USP34: variants seen among roughly 807,000 people sequenced by gnomAD.
USP34 encodes the protein ubiquitin specific peptidase 34, also known as ubiquitin carboxyl-terminal hydrolase 34.
In USP34, 70 loss-of-function variants were observed where a neutral mutation model predicts 460.3. The observed-to-expected ratio is 0.15, with a 90% CI of 0.13 to 0.19. USP34 has a LOEUF of 0.19. Among genes scored for constraint, USP34 ranks in the 10% least tolerant of loss-of-function variants. The pLI is 1.00. For missense variants in USP34, 3,985 were observed against 4,236.2 expected, an observed-to-expected ratio of 0.94 and a Z score of 1.65; for synonymous variants, 1,647 against 1,405.3, an observed-to-expected ratio of 1.17 and a Z score of -3.85.
chr2:61,224,357 TA>T (rs1310878203), intron 62 of USP34, among the ~76,000 whole-genome samples: 2 of 152,222 alleles, frequency 1.3e-5, no homozygotes, highest in East Asian at 3.9e-4. Context: ...GCATTTTCTA[TA>T]AACTGGTAGT....
chr2:61,455,387 A>T (rs538208401), intron 1 of USP34, among the ~76,000 whole-genome samples: 1 of 152,196 alleles, frequency 6.6e-6, no homozygotes, highest in East Asian at 1.9e-4. Context: ...CATGTTGCCC[A>T]GGCTGGTCTC....
intron 33 of USP34, among the ~76,000 whole-genome samples, chr2:61,291,429 C>T (rs1225449812): frequency 6.6e-6 from 1 of 152,168 alleles, no homozygotes; most frequent in African/African-American, 2.4e-5. Context: ...AGAAACTGCA[C>T]TCTATACCCA....
intron 37 of USP34, 127 bp from the exon 38 acceptor site, chr2:61,281,369 T>C (rs1229977373): frequency 2.5e-6 from 3 of 1,214,392 alleles, no homozygotes; most frequent in African/African-American, 1.5e-5. Context: ...CCCAGCACTT[T>C]TGGAGGCCCA....
At chr2:61,394,809 A>C in intron 5 of USP34, 44 bp downstream of exon 5, 1 of 1,421,028 alleles carries the variant, frequency 7.0e-7, no homozygotes, top group Non-Finnish European at 9.3e-7. Context: ...CTGATATGCT[A>C]GACATTGCTC....
chr2:61,217,338 T>A (rs1687432617), intron 67 of USP34, among the ~76,000 whole-genome samples: 3 of 152,204 alleles, frequency 2.0e-5, no homozygotes, highest in Admixed American at 1.3e-4. Flanking sequence ...CACTAATGTC[T>A]CAATTTTTCT....
At chr2:61,194,683 C>G (rs1325282523) in intron 75 of USP34, among the ~76,000 whole-genome samples, 1 of 152,194 alleles carries the variant, frequency 6.6e-6, no homozygotes, top group African/African-American at 2.4e-5. Flanking sequence ...GGGCCAGGCG[C>G]AGTGGCTCAT....
chr2:61,212,058 A>G (rs1460676670), intron 68 of USP34, 129 bp from the exon 69 acceptor site: 9 of 1,226,020 alleles, frequency 7.3e-6, no homozygotes, highest in Non-Finnish European at 8.6e-6. Context: ...TTCCATTCAG[A>G]AAGTTATAAA....
At chr2:61,248,005 G>A (rs929992242) in intron 49 of USP34, among the ~76,000 whole-genome samples, 2 of 151,886 alleles carry the variant, frequency 1.3e-5, no homozygotes, top group Non-Finnish European at 2.9e-5. Context: ...TAGCCAACAC[G>A]GCGAAACCTT....
intron 53 of USP34, among the ~76,000 whole-genome samples, chr2:61,236,678 A>G (rs2103846174): frequency 6.6e-6 from 1 of 152,332 alleles, no homozygotes; most frequent in East Asian, 1.9e-4. Flanking sequence ...CAAGTATATA[A>G]TTGAATGAAA....
At chr2:61,450,001 G>C (rs750304104) in intron 1 of USP34, among the ~76,000 whole-genome samples, 20 of 152,120 alleles carry the variant, frequency 1.3e-4, no homozygotes, top group Non-Finnish European at 2.5e-4. Flanking sequence ...AGGAGGCAGA[G>C]CCTGCAGTGA....
intron 67 of USP34, among the ~76,000 whole-genome samples, chr2:61,217,683 C>T (rs1232412359): frequency 1.3e-5 from 2 of 152,208 alleles, no homozygotes; most frequent in East Asian, 1.9e-4. Flanking sequence ...CAGCAGGGCA[C>T]AGTGGCTCAC....
intron 3 of USP34, among the ~76,000 whole-genome samples, chr2:61,403,141 C>A (rs886694131): frequency 6.6e-6 from 1 of 151,878 alleles, no homozygotes; most frequent in Non-Finnish European, 1.5e-5. Context: ...CAGAATTTTC[C>A]TCGAAGACCT....
intron 78 of USP34, 116 bp from the exon 79 acceptor site, chr2:61,189,185 C>T (rs1686543079): frequency 4.5e-6 from 5 of 1,102,050 alleles, no homozygotes; most frequent in Non-Finnish European, 6.4e-6. Flanking sequence ...CTAAGAATAC[C>T]CTGGTTTCTC....
chr2:61,304,078 A>G (rs554373829), intron 27 of USP34, among the ~76,000 whole-genome samples: 42 of 152,006 alleles, frequency 2.8e-4, no homozygotes, highest in Non-Finnish European at 2.9e-5. Flanking sequence ...TTGTATTTTT[A>G]GTAGAGACAG....
chr2:61,353,392 ATGTT>A (rs975912673), intron 10 of USP34, among the ~76,000 whole-genome samples: 4 of 143,872 alleles, frequency 2.8e-5, no homozygotes, highest in African/African-American at 7.8e-5. Flanking sequence ...TCCTAGACGA[ATGTT>A]TTTTTTTTTT....
chr2:61,221,910 T>C (rs142731892), intron 65 of USP34: 1 of 221,758 alleles, frequency 4.5e-6, no homozygotes, highest in East Asian at 1.1e-4. Context: ...TACAACGTTT[T>C]GAAATATGTA....
intron 39 of USP34, among the ~76,000 whole-genome samples, chr2:61,278,657 A>G (rs961423839): frequency 6.6e-6 from 1 of 152,166 alleles, no homozygotes; most frequent in Non-Finnish European, 1.5e-5. Flanking sequence ...AAAAACAATC[A>G]ATGGAATGTT....
chr2:61,286,387 G>A (rs894102368), intron 34 of USP34, among the ~76,000 whole-genome samples: 19 of 152,086 alleles, frequency 1.2e-4, no homozygotes, highest in Non-Finnish European at 1.3e-4. Flanking sequence ...CCAGAGCGGT[G>A]GCTCACACCT....
intron 3 of USP34, among the ~76,000 whole-genome samples, chr2:61,404,331 G>A (rs1477300238): frequency 6.6e-6 from 1 of 152,086 alleles, no homozygotes; most frequent in Non-Finnish European, 1.5e-5. Context: ...ATTCCAGGAT[G>A]CACAGGAAAC....
Sources: allele counts gnomAD v4.1 joint callset (sites outside exome capture counted in the v4.1 genomes callset), GRCh38; gene constraint gnomAD v4.1.1; transcripts MANE v1.5; gene names NCBI Gene and HGNC (gene_info 2026-07-23, HGNC 2026-07-21).